CCSER1: variants seen among roughly 807,000 people sequenced by gnomAD.
CCSER1 encodes serine-rich coiled-coil domain-containing protein 1.
Under a neutral mutation model 82.0 loss-of-function variants are expected in CCSER1, and 41 were observed. That is an observed-to-expected ratio of 0.50 (90% CI 0.39 to 0.65). CCSER1 has a LOEUF of 0.65. Ranked by LOEUF, CCSER1 falls within the 30% of genes least tolerant of loss-of-function variation. CCSER1 has a pLI of 0.00. For synonymous variants in CCSER1, 414 were observed against 383.9 expected (o/e 1.08, Z -0.92); for missense variants, 1,119 against 1,064.2 (o/e 1.05, Z -0.72).
In CCSER1 at chr4:91,503,389, T is replaced by A. The variant is rs535955992; in HGVS notation, c.2218-95183T>A. 1.8e-4 allele frequency among the ~76,000 whole-genome samples: 27 copies of A among 151,078 alleles called. No individual in the cohort carries two copies. The East Asian group carries it at 3.7e-3, about 21-fold the overall frequency. On this transcript the variant is annotated intron_variant, in intron 10 of 10. Transcript: ENST00000509176. Reference sequence around the variant, plus strand: ...GAAAGATTTCCATATTTTCAATGGCTATATGTGCTGTAGAAAGGGAAATTT... The same window carrying A: ...GAAAGATTTCCATATTTTCAATGGCAATATGTGCTGTAGAAAGGGAAATTT...
chr4:91,431,788 C>T (rs1395711378), intron 10 of CCSER1, among the ~76,000 whole-genome samples: 3 of 152,022 alleles, frequency 2.0e-5, no homozygotes, highest in African/African-American at 7.2e-5. Flanking sequence ...TTATCTAAAT[C>T]GAAGCATTCT....
chr4:91,000,473 G>A (rs892088326), intron 9 of CCSER1, among the ~76,000 whole-genome samples: 1 of 151,982 alleles, frequency 6.6e-6, no homozygotes, highest in African/African-American at 2.4e-5. Context: ...TGACATTGGT[G>A]GTTTGATAGG....
chr4:91,550,272 A>G (rs1014008508), intron 10 of CCSER1, among the ~76,000 whole-genome samples: 1 of 152,172 alleles, frequency 6.6e-6, no homozygotes, highest in African/African-American at 2.4e-5. Context: ...GGGCTTTTGC[A>G]GGTAAAACAC....
chr4:90,860,208 T>A (rs1764914905), intron 8 of CCSER1, among the ~76,000 whole-genome samples: 1 of 151,600 alleles, frequency 6.6e-6, no homozygotes, highest in South Asian at 2.1e-4. Context: ...AATAGACATT[T>A]CTCACTGTAA....
intron 10 of CCSER1, among the ~76,000 whole-genome samples, chr4:91,492,641 A>G (rs1009283532): frequency 6.6e-6 from 1 of 152,098 alleles, no homozygotes; most frequent in Admixed American, 6.6e-5. Flanking sequence ...GCAGCACATT[A>G]TTAAATCTGT....
At chr4:91,029,233 G>A (rs1333535041) in intron 9 of CCSER1, among the ~76,000 whole-genome samples, 1 of 150,240 alleles carries the variant, frequency 6.7e-6, no homozygotes, top group East Asian at 1.9e-4. Context: ...GAATCTGTTT[G>A]ATACATAATA....
At chr4:91,175,086 C>G (rs146171410) in intron 10 of CCSER1, among the ~76,000 whole-genome samples, 1,539 of 152,120 alleles carry the variant, frequency 0.01, 12 homozygotes, top group African/African-American at 0.025. Context: ...GGTTTTCTGT[C>G]CTTGTGATAG....
intron 3 of CCSER1, among the ~76,000 whole-genome samples, chr4:90,353,054 CA>C (rs989047666): frequency 1.8e-4 from 28 of 152,234 alleles, no homozygotes; most frequent in African/African-American, 6.5e-4. Flanking sequence ...TATGAAAAAA[CA>C]GAAGAGGAAC....
chr4:90,809,059 C>T (rs548981725), intron 7 of CCSER1, among the ~76,000 whole-genome samples: 9 of 152,076 alleles, frequency 5.9e-5, no homozygotes, highest in African/African-American at 1.9e-4. Flanking sequence ...GGCTGATGTC[C>T]GTAATCCCAA....
chr4:90,733,636 T>G (rs569276564), intron 7 of CCSER1, among the ~76,000 whole-genome samples: 2 of 152,192 alleles, frequency 1.3e-5, no homozygotes, highest in Non-Finnish European at 2.9e-5. Context: ...TAGTGTTTTC[T>G]TTTAGTAATT....
chr4:90,741,191 GA>G (rs148691714), intron 7 of CCSER1, among the ~76,000 whole-genome samples: 32 of 152,060 alleles, frequency 2.1e-4, no homozygotes, highest in African/African-American at 5.8e-4. Flanking sequence ...TATAAGGAAG[GA>G]AAAAAATATT....
chr4:91,290,832 C>T (rs1743684525), intron 10 of CCSER1, among the ~76,000 whole-genome samples: 1 of 151,724 alleles, frequency 6.6e-6, no homozygotes, highest in Non-Finnish European at 1.5e-5. Flanking sequence ...AACAGAATAA[C>T]ATTTAAAGAT....
intron 10 of CCSER1, among the ~76,000 whole-genome samples, chr4:91,151,920 T>C (rs914020899): frequency 1.3e-5 from 2 of 152,200 alleles, no homozygotes; most frequent in African/African-American, 4.8e-5. Flanking sequence ...GGAATAAGTG[T>C]GATGTGGTGC....
chr4:90,561,700 T>C (rs544897723), intron 5 of CCSER1, among the ~76,000 whole-genome samples: 2 of 152,270 alleles, frequency 1.3e-5, no homozygotes, highest in South Asian at 4.1e-4. Flanking sequence ...GTGTAACCAT[T>C]AAAATAAGGT....
intron 10 of CCSER1, among the ~76,000 whole-genome samples, chr4:91,113,352 A>G (rs1726253255): frequency 6.6e-6 from 1 of 152,256 alleles, no homozygotes; most frequent in Non-Finnish European, 1.5e-5. Context: ...TTCTCAATCA[A>G]GAACAACTAA....
intron 10 of CCSER1, among the ~76,000 whole-genome samples, chr4:91,465,535 A>C (rs892691096): frequency 2.0e-5 from 3 of 152,172 alleles, no homozygotes; most frequent in Non-Finnish European, 4.4e-5. Context: ...AGACACAAAA[A>C]ACCCTTCAAA....
chr4:90,786,366 A>T (rs17186550), intron 7 of CCSER1, among the ~76,000 whole-genome samples: 89,639 of 151,982 alleles, frequency 0.59, 26,775 homozygotes, highest in African/African-American at 0.68. Flanking sequence ...GAACACAGTA[A>T]TACTCAGAAA....
rs1375650385 is a variant in CCSER1, at chr4:90,308,649, C to G, written c.365C>G (p.Ser122Ter). ...RGRHSVGFSSSRNKKITRSLT... is the reference protein window; with the variant it reads ...RGRHSVGFSS Reference sequence around the variant, plus strand: ...AGACATTCTGTTGGTTTTAGTAGTTCACGAAATAAGAAGATAACAAGATCT... The same window carrying G: ...AGACATTCTGTTGGTTTTAGTAGTTGACGAAATAAGAAGATAACAAGATCT... The change falls in exon 2 of 11, where the codon TCA becomes TGA. Residue 122 changes from serine (S) to a stop codon, truncating the protein, a stop_gained. Transcript: ENST00000509176. LOFTEE classifies it high-confidence loss of function. 1.9e-6 allele frequency: 3 copies of G among 1,613,462 alleles called. No homozygotes were observed. Among genetic ancestry groups the G allele is most frequent in the African/African-American group, 2.7e-5 (2 of 74,854 alleles).
chr4:90,232,764 A>G (rs1380120395), intron 1 of CCSER1, among the ~76,000 whole-genome samples: 1 of 149,920 alleles, frequency 6.7e-6, no homozygotes, highest in Non-Finnish European at 1.5e-5. Flanking sequence ...AATGAACTCA[A>G]ACAAATTTAC....
Sources: allele counts gnomAD v4.1 joint callset (sites outside exome capture counted in the v4.1 genomes callset), GRCh38; gene constraint gnomAD v4.1.1; transcripts MANE v1.5; gene names NCBI Gene and HGNC (gene_info 2026-07-23, HGNC 2026-07-21).